Variants in NFYA observed in about 807,000 individuals in gnomAD.
The protein encoded by NFYA is nuclear transcription factor Y subunit alpha.
NFYA carries 28 observed loss-of-function variants against 52.8 expected under a neutral mutation model. That is an observed-to-expected ratio of 0.53 (90% CI 0.39 to 0.73). The LOEUF is 0.73. Ranked by LOEUF, NFYA falls within the 30% of genes least tolerant of loss-of-function variation. The pLI, the probability that NFYA is intolerant of heterozygous loss-of-function variation, is 0.00. For missense variants in NFYA, 234 were observed against 427.0 expected, an observed-to-expected ratio of 0.55 and a Z score of 3.98; for synonymous variants, 150 against 150.7, an observed-to-expected ratio of 1.00 and a Z score of 0.03.
chr6:41,090,174 T>A, intron 5 of NFYA, 30 bp from the exon 6 acceptor site: 1 of 1,425,058 alleles, frequency 7.0e-7, no homozygotes, highest in Non-Finnish European at 9.9e-7. Context: ...TTGGGATCTG[T>A]TGAATTGTGT....
intron 9 of NFYA, 80 bp from the exon 10 acceptor site, chr6:41,097,277 T>TG: frequency 7.7e-7 from 1 of 1,296,072 alleles, no homozygotes; most frequent in South Asian, 1.2e-5. Flanking sequence ...TGTATTCTCT[T>TG]GGGGGGATAA....
intron 1 of NFYA, among the ~76,000 whole-genome samples, chr6:41,075,878 C>T (rs1304516532): frequency 2.0e-5 from 3 of 152,078 alleles, no homozygotes; most frequent in African/African-American, 4.8e-5. Flanking sequence ...TTTGAATCTT[C>T]GTCAGAGATT....
At chr6:41,094,156 A>AT (rs977257870) in intron 8 of NFYA, among the ~76,000 whole-genome samples, 45 of 152,158 alleles carry the variant, frequency 3.0e-4, no homozygotes, top group African/African-American at 9.6e-4. Context: ...GTAGTCTGTT[A>AT]TTTTTTTTAA....
intron 4 of NFYA, among the ~76,000 whole-genome samples, chr6:41,088,694 C>G (rs1229755022): frequency 6.6e-6 from 1 of 151,498 alleles, no homozygotes; most frequent in Non-Finnish European, 1.5e-5. Context: ...AAATGATCCT[C>G]CCACCTCAGT....
At position 41,101,038 on chromosome 6, in the gene NFYA, G is replaced by A. The variant is rs1216436660; in HGVS notation, c.*3628G>A. On this transcript the variant is annotated 3_prime_UTR_variant, in exon 10 of 10. Coordinates refer to ENST00000341376, the MANE Select transcript of NFYA (RefSeq NM_002505.5). ...CGGGCAGCCATGGTGACCGGCGAGC[G>A]GCATGCGACGCCGCCTCTGTGGCCT... 6.6e-6 allele frequency: 1 copy of A among 152,276 alleles called. No individual in the cohort carries two copies. Among genetic ancestry groups the A allele is most frequent in the African/African-American group, 2.4e-5 (1 of 41,464 alleles). The allele number at this position is 152,276 out of a possible 1,614,324, so 9.4% of individuals were successfully genotyped here. A position where few individuals can be genotyped will look rare whatever the true frequency, so the allele number is the denominator to read the frequency against.
Position 41,102,180 on chromosome 6 carries a change from G to A in NFYA, c.*4770G>A, listed in dbSNP as rs1582044645. The A allele has an allele frequency of 1.3e-5, 2 of 152,232 alleles. No homozygotes were observed. The highest frequency in any genetic ancestry group is 4.2e-4 in the South Asian group (2 of 4,814). 9.4% of individuals were successfully genotyped at this position (152,232 alleles called of 1,614,324 possible). A position where few individuals can be genotyped will look rare whatever the true frequency, so the allele number is the denominator to read the frequency against. Reference sequence around the variant, plus strand: ...TCCTGGGGGTTTATAAAAGAAGGGGGCCAGAAGTACTTTAAAACAGGTACC... The same window carrying A: ...TCCTGGGGGTTTATAAAAGAAGGGGACCAGAAGTACTTTAAAACAGGTACC... On this transcript the variant is annotated 3_prime_UTR_variant, in exon 10 of 10. Transcript: ENST00000341376.
chr6:41,084,746 T>C (rs1763995608), intron 4 of NFYA, among the ~76,000 whole-genome samples: 1 of 152,238 alleles, frequency 6.6e-6, no homozygotes, highest in African/African-American at 2.4e-5. Flanking sequence ...GTGGATCACT[T>C]GAGGCCAGGA....
chr6:41,095,948 T>A (rs1764345487), intron 9 of NFYA, among the ~76,000 whole-genome samples: 1 of 152,240 alleles, frequency 6.6e-6, no homozygotes, highest in African/African-American at 2.4e-5. Context: ...GTTTCTTGAA[T>A]TAATAGATTC....
Position 41,091,607 on chromosome 6 carries a change from T to C in NFYA, c.627T>C (p.Asn209=). The C allele has an allele frequency of 6.2e-7, 1 of 1,614,188 alleles. No homozygotes were observed. The highest frequency in any genetic ancestry group is 8.5e-7 in the Non-Finnish European group (1 of 1,180,020). The part of the protein sequence containing the change: ...AGAQIVQTGA[N]TNTTSSGQGT... ...CACAGATTGTTCAAACAGGAGCCAA[T>C]ACCAACACAACCAGCAGTGGGCAAG... The change falls in exon 7 of 10, where the codon AAT becomes AAC. Residue 209 remains asparagine (N), a synonymous_variant. Coordinates refer to ENST00000341376, the MANE Select transcript of NFYA (RefSeq NM_002505.5).
chr6:41,091,456 GACTA>G (rs1194770764), intron 6 of NFYA, 68 bp from the exon 7 acceptor site: 15 of 1,464,396 alleles, frequency 1.0e-5, no homozygotes, highest in South Asian at 2.5e-5. Context: ...ATAGAAGAGG[GACTA>G]ACTATGTTCC....
At chr6:41,091,881 G>A (rs1347572804) in intron 7 of NFYA, among the ~76,000 whole-genome samples, 187 bp downstream of exon 7, 2 of 152,128 alleles carry the variant, frequency 1.3e-5, no homozygotes, top group Non-Finnish European at 2.9e-5. Context: ...ATGTGCCAGG[G>A]ACTATTCACC....
rs764684404 is a variant in NFYA at position 41,089,568 on chromosome 6, C to A, written c.310-11C>A. ...TAGAGTACAATCCTTTTTTTATGTT[C>A]TTTTCTGCAGATACAGTTGGTCCCA... On this transcript the variant is annotated splice_polypyrimidine_tract_variant and intron_variant, in intron 4 of 9. Transcript: ENST00000341376. The A allele has an allele frequency of 4.4e-6, 7 of 1,594,416 alleles. No individual in the cohort carries two copies. The East Asian group carries it at 1.4e-4, about 31-fold the overall frequency.
At chr6:41,094,297 C>A in intron 8 of NFYA, 99 bp from the exon 9 acceptor site, 2 of 981,926 alleles carry the variant, frequency 2.0e-6, no homozygotes, top group Non-Finnish European at 1.6e-6. Flanking sequence ...GACTTTGATC[C>A]CAGCTGTCTT....
chr6:41,088,615 G>A (rs566577952), intron 4 of NFYA, among the ~76,000 whole-genome samples: 1 of 151,740 alleles, frequency 6.6e-6, no homozygotes, highest in African/African-American at 2.4e-5. Context: ...ACAGTTACTC[G>A]CTCTGTTGCC....
intron 6 of NFYA, among the ~76,000 whole-genome samples, chr6:41,090,755 C>T (rs572704175): frequency 1.3e-5 from 2 of 152,118 alleles, no homozygotes; most frequent in East Asian, 1.9e-4. Context: ...GTAAGAAAGA[C>T]GTGAACAAAT....
At chr6:41,082,099 C>G (rs1763926402) in intron 3 of NFYA, among the ~76,000 whole-genome samples, 1 of 152,228 alleles carries the variant, frequency 6.6e-6, no homozygotes, top group African/African-American at 2.4e-5. Flanking sequence ...GAATGTAGAA[C>G]TGGCATCTCA....
rs550448527 is a variant in NFYA, at chr6:41,098,479, G to C, written c.*1069G>C. 6.6e-6 allele frequency: 1 copy of C among 152,216 alleles called. No individual in the cohort carries two copies. Among genetic ancestry groups the C allele is most frequent in the African/African-American group, 2.4e-5 (1 of 41,440 alleles). The allele number at this position is 152,216 out of a possible 1,614,324, so 9.4% of individuals were successfully genotyped here. A position where few individuals can be genotyped will look rare whatever the true frequency, so the allele number is the denominator to read the frequency against. On this transcript the variant is annotated 3_prime_UTR_variant, in exon 10 of 10. Coordinates refer to ENST00000341376, the MANE Select transcript of NFYA (RefSeq NM_002505.5). ...GGAATGGATCATTAAGATGAAGAGA[G>C]TAATTCACATTTACTCTAGAACCTT...
chr6:41,077,642 G>C (rs945317044), intron 1 of NFYA, among the ~76,000 whole-genome samples: 2 of 152,190 alleles, frequency 1.3e-5, no homozygotes, highest in Admixed American at 6.5e-5. Context: ...TCTATACCCA[G>C]AATCTCTGAG....
chr6:41,074,662 T>C (rs1395545545), intron 1 of NFYA, among the ~76,000 whole-genome samples: 7 of 152,216 alleles, frequency 4.6e-5, no homozygotes, highest in Admixed American at 4.6e-4. Flanking sequence ...TGTGATAGTT[T>C]AGGGGGGAAA....
Sources: allele counts gnomAD v4.1 joint callset (sites outside exome capture counted in the v4.1 genomes callset), GRCh38; gene constraint gnomAD v4.1.1; transcripts MANE v1.5; gene names NCBI Gene and HGNC (gene_info 2026-07-23, HGNC 2026-07-21).